The following CDH22 variants were observed in gnomAD, a reference collection of about 807,000 sequenced individuals.
CDH22 encodes the protein cadherin 22.
Under a neutral mutation model 58.4 loss-of-function variants are expected in CDH22, and 30 were observed. The ratio of observed to expected loss-of-function variants is 0.51; its 90% CI spans 0.38 to 0.70. The LOEUF (loss-of-function observed/expected upper bound fraction) is 0.70, where lower values mean the gene tolerates loss of function less well. CDH22 is among the 30% of genes least tolerant of loss of function. CDH22 has a pLI of 0.00. For missense variants in CDH22, 1,014 were observed against 1,233.9 expected (o/e 0.82, Z 2.67); for synonymous variants, 513 against 558.2 (o/e 0.92, Z 1.14).
At chr20:46,242,563 G>T (rs2086299358) in intron 2 of CDH22, among the ~76,000 whole-genome samples, 1 of 152,250 alleles carries the variant, frequency 6.6e-6, no homozygotes, top group South Asian at 2.1e-4. Flanking sequence ...ATATTTAGCA[G>T]CCAGCACGGT....
chr20:46,260,740 A>G (rs1208066978), intron 1 of CDH22, among the ~76,000 whole-genome samples: 1 of 152,248 alleles, frequency 6.6e-6, no homozygotes, highest in Non-Finnish European at 1.5e-5. Flanking sequence ...CTCTGGCAAC[A>G]TCACTGCCAA....
At chr20:46,182,957 C>T (rs2085799666) in intron 10 of CDH22, among the ~76,000 whole-genome samples, 1 of 152,122 alleles carries the variant, frequency 6.6e-6, no homozygotes, top group African/African-American at 2.4e-5. Flanking sequence ...CGTGCTGCTG[C>T]CACCCTGTCC....
Position 46,181,795 on chromosome 20 carries a change from T to TTTCTTTCTTTCTTTCTTTCTTTCTTTC in CDH22, c.1664-3599_1664-3598insGAAAGAAAGAAAGAAAGAAAGAAAGAA, listed in dbSNP as rs1491111907. On this transcript the variant is annotated intron_variant, in intron 10 of 11. Coordinates refer to ENST00000537909, the MANE Select transcript of CDH22 (RefSeq NM_021248.3). ...TCTTTCTTTCTTTCTTTCTTTCTTT[T>TTTCTTTCTTTCTTTCTTTCTTTCTTTC]CTCTCTCTTTCTCTTTCCTTTCTTT... Among the ~76,000 whole-genome samples, 61 of 45,602 alleles carry TTTCTTTCTTTCTTTCTTTCTTTCTTTC rather than the reference T, an allele frequency of 1.3e-3. 2 individuals are homozygous for TTTCTTTCTTTCTTTCTTTCTTTCTTTC. Among genetic ancestry groups the TTTCTTTCTTTCTTTCTTTCTTTCTTTC allele is most frequent in the Non-Finnish European group, 1.5e-3 (31 of 21,230 alleles). The allele number at this position is 45,602 out of a possible 152,430, so 29.9% of individuals were successfully genotyped here. A position where few individuals can be genotyped will look rare whatever the true frequency, so the allele number is the denominator to read the frequency against.
Position 46,283,197 on chromosome 20 carries a change from G to A in CDH22, c.-400+25058C>T, listed in dbSNP as rs188121625. Among the ~76,000 whole-genome samples the A allele has an allele frequency of 2.2e-3, 342 of 152,324 alleles. 7 individuals are homozygous for A. The highest frequency in any genetic ancestry group is 6.8e-3 in the Middle Eastern group (2 of 294). On this transcript the variant is annotated intron_variant, in intron 1 of 11. Coordinates refer to ENST00000537909, the MANE Select transcript of CDH22 (RefSeq NM_021248.3). ...ATGTACCTCTGGTCACACAAGTGGT[G>A]CAAGCTCGAGTTGGGGTTGGAACCT...
At chr20:46,256,829 T>C (rs1448676940) in intron 1 of CDH22, among the ~76,000 whole-genome samples, 1 of 152,004 alleles carries the variant, frequency 6.6e-6, no homozygotes, top group Non-Finnish European at 1.5e-5. Context: ...ATCAAGATCC[T>C]GTCTCTACAA....
chr20:46,282,086 T>G (rs2086553470), intron 1 of CDH22, among the ~76,000 whole-genome samples: 1 of 152,318 alleles, frequency 6.6e-6, no homozygotes, highest in Middle Eastern at 3.4e-3. Context: ...TTCCTTTTTG[T>G]CCCCAAAGAT....
intron 2 of CDH22, among the ~76,000 whole-genome samples, chr20:46,250,460 G>A (rs1454658625): frequency 1.3e-5 from 2 of 152,190 alleles, no homozygotes; most frequent in Non-Finnish European, 2.9e-5. Context: ...TGGCATTGGA[G>A]CTGTAGTGTG....
At chr20:46,227,464 G>GGCCCCCCCCCC in intron 4 of CDH22, 44 bp downstream of exon 4, 4 of 1,351,094 alleles carry the variant, frequency 3.0e-6, no homozygotes, top group Non-Finnish European at 4.1e-6. Flanking sequence ...CCCGCCCCTG[G>GGCCCCCCCCCC]CCCCGCCCCA....
intron 8 of CDH22, among the ~76,000 whole-genome samples, chr20:46,198,597 C>A (rs768002132): frequency 2.0e-5 from 3 of 152,194 alleles, no homozygotes; most frequent in Non-Finnish European, 4.4e-5. Context: ...CTCAATGCAG[C>A]TGCCAGAGGT....
rs2145687293 is a variant in CDH22 at position 46,210,427 on chromosome 20, T to C, written c.1166A>G (p.Asp389Gly). Reference sequence around the variant, plus strand: ...GGGCGGCCGGAACTCGGGGGGCTCGTCCACGTCGGTCACGGCCACGCGCAC... The same window carrying C: ...GGGCGGCCGGAACTCGGGGGGCTCGCCCACGTCGGTCACGGCCACGCGCAC... ...AIVRVAVTDV[D>G]EPPEFRPPSG... Residue 389 changes from aspartate (D) to glycine (G), a missense_variant, in exon 7 of 12, where the codon GAC becomes GGC. By Grantham distance (94) the Asp-to-Gly change is moderately conservative. Transcript: ENST00000537909. This position sits in a 1 kb window ranked among gnomAD's most constrained non-coding sequence, Gnocchi z 4.5. 6.9e-7 allele frequency: 1 copy of C among 1,454,698 alleles called. No individual in the cohort carries two copies. Among genetic ancestry groups the C allele is most frequent in the South Asian group, 1.4e-5 (1 of 69,420 alleles). The allele number at this position is 1,454,698 out of a possible 1,614,324, so 90.1% of individuals were successfully genotyped here.
chr20:46,264,089 G>A (rs979830388), intron 1 of CDH22, among the ~76,000 whole-genome samples: 2 of 152,252 alleles, frequency 1.3e-5, no homozygotes, highest in South Asian at 2.1e-4. Flanking sequence ...GTGACTCCCC[G>A]GATTTTATTT....
chr20:46,228,627 A>G (rs927255323), intron 3 of CDH22, among the ~76,000 whole-genome samples: 1 of 152,156 alleles, frequency 6.6e-6, no homozygotes, highest in African/African-American at 2.4e-5. Context: ...AAACCTTTCC[A>G]GAAAGAAGAG....
At chr20:46,180,873 A>G (rs913954083) in intron 10 of CDH22, among the ~76,000 whole-genome samples, 1 of 152,006 alleles carries the variant, frequency 6.6e-6, no homozygotes, top group African/African-American at 2.4e-5. Flanking sequence ...ACCTAGGACT[A>G]CAGGTATGCA....
At chr20:46,260,907 C>T (rs559559981) in intron 1 of CDH22, among the ~76,000 whole-genome samples, 12 of 152,292 alleles carry the variant, frequency 7.9e-5, no homozygotes, top group African/African-American at 2.9e-4. Context: ...AGAAGTGGGG[C>T]TGCACAGAGC....
chr20:46,251,284 C>G lies in CDH22; in HGVS notation c.11G>C (p.Arg4Thr). 1 of 1,458,818 alleles carries G rather than the reference C, an allele frequency of 6.9e-7. No homozygotes were observed. Among genetic ancestry groups the G allele is most frequent in the Middle Eastern group, 1.8e-4 (1 of 5,662 alleles). The allele number at this position is 1,458,818 out of a possible 1,614,324, so 90.4% of individuals were successfully genotyped here. The change falls in exon 2 of 12, where the codon AGG (arginine) becomes ACG (threonine). Residue 4 changes from arginine (R) to threonine (T), a missense_variant. By Grantham distance (71) the Arg-to-Thr change is moderately conservative. This residue lies in a region of CDH22 where 806 missense variants were observed against 1,038.7 expected (regional missense o/e 0.78). Coordinates refer to ENST00000537909, the MANE Select transcript of CDH22 (RefSeq NM_021248.3). The surrounding 1 kb of genome is among the most constrained non-coding windows in gnomAD (Gnocchi z 6.7). ...CGCCCGGAGCCCCCTACCTTCGGGC[C>G]TCGGCCTCATCCTTGGCCTGCGCGG... MRP[R>T]PEGRGLRAGV...
chr20:46,181,752 C>CTTCCTTCCTTCT lies in CDH22; in HGVS notation c.1664-3556_1664-3555insAGAAGGAAGGAA. Among the ~76,000 whole-genome samples the CTTCCTTCCTTCT allele has an allele frequency of 4.4e-3, 116 of 26,250 alleles. 2 individuals carry two copies. The highest frequency in any genetic ancestry group is 0.019 in the East Asian group (19 of 1,004). The allele number at this position is 26,250 out of a possible 152,430, so 17.2% of individuals were successfully genotyped here. A position where few individuals can be genotyped will look rare whatever the true frequency, so the allele number is the denominator to read the frequency against. On this transcript the variant is annotated intron_variant, in intron 10 of 11. Transcript: ENST00000537909. ...CCTTCCTTCCTTCCTTCCTTCCTTC[C>CTTCCTTCCTTCT]TTCTTTCTTTCTTTCTTTCTTTCTT...
intron 1 of CDH22, among the ~76,000 whole-genome samples, chr20:46,296,589 G>A (rs542471869): frequency 6.6e-6 from 1 of 152,226 alleles, no homozygotes; most frequent in African/African-American, 2.4e-5. Flanking sequence ...CAGCCCAGGT[G>A]AGCAAAGGTT....
chr20:46,226,294 T>TCTTCTTC (rs1021447206), intron 4 of CDH22, among the ~76,000 whole-genome samples: 3 of 139,010 alleles, frequency 2.2e-5, no homozygotes, highest in East Asian at 2.1e-4. Context: ...TTCTTCTTCT[T>TCTTCTTC]TTTTTTTTTG....
chr20:46,182,138 A>C (rs1232078841), intron 10 of CDH22, among the ~76,000 whole-genome samples: 1 of 152,140 alleles, frequency 6.6e-6, no homozygotes, highest in Non-Finnish European at 1.5e-5. Flanking sequence ...TAATTTTCTT[A>C]AAAGCAACAG....
Sources: gnomAD v4.1 joint callset for allele counts (sites outside exome capture counted in the v4.1 genomes callset) on GRCh38, gnomAD v4.1.1 for gene constraint, gnomAD v4.1.1 regional missense constraint, Gnocchi (gnomAD v3.1) non-coding constraint, MANE v1.5 for transcripts, NCBI Gene and HGNC (gene_info 2026-07-23, HGNC 2026-07-21) for gene names.